Variants in PXK observed in about 807,000 individuals in gnomAD.
The protein encoded by PXK is PX domain containing serine/threonine kinase like, also known as PX domain-containing protein kinase-like protein.
A neutral mutation model predicts 84.7 loss-of-function variants in PXK; 35 were observed. That is an observed-to-expected ratio of 0.41 (90% CI 0.32 to 0.55). PXK has a LOEUF of 0.55. Ranked by LOEUF, PXK falls within the 20% of genes least tolerant of loss-of-function variation. The probability of loss-of-function intolerance (pLI) is 0.21; values close to 1 mark genes in which losing one functional copy is unlikely to be tolerated. For missense variants in PXK, 634 were observed against 699.7 expected (o/e 0.91, Z 1.06); for synonymous variants, 253 against 260.8 (o/e 0.97, Z 0.29).
At chr3:58,356,802 C>T (rs2098089324) in intron 1 of PXK, among the ~76,000 whole-genome samples, 1 of 151,010 alleles carries the variant, frequency 6.6e-6, no homozygotes, top group Admixed American at 6.6e-5. Flanking sequence ...CGGGGTTTCA[C>T]TATGTTGGCC....
In PXK at chr3:58,397,185, A is replaced by G; in HGVS notation, c.969A>G (p.Gln323=). 1 of 1,614,006 alleles carries G rather than the reference A, an allele frequency of 6.2e-7. No individual in the cohort carries two copies. Among genetic ancestry groups the G allele is most frequent in the Non-Finnish European group, 8.5e-7 (1 of 1,179,960 alleles). The part of the protein sequence containing the change: ...LPSFYRSYFS[Q]FRKINTLESV... The stretch of plus-strand genomic sequence containing the variant: ...CCTTCTACCGATCTTATTTTTCACA[A>G]TTCAGGAAAATCAATGTAAGTTGCT... Residue 323 remains glutamine (Q), a synonymous_variant, in exon 10 of 18, where the codon CAA becomes CAG. Coordinates refer to ENST00000356151, the MANE Select transcript of PXK (RefSeq NM_017771.5). The surrounding 1 kb of genome is among the most constrained non-coding windows in gnomAD (Gnocchi z 4.7).
At chr3:58,375,693 G>C (rs985955366) in intron 3 of PXK, among the ~76,000 whole-genome samples, 1 of 152,180 alleles carries the variant, frequency 6.6e-6, no homozygotes, top group Non-Finnish European at 1.5e-5. Flanking sequence ...AGGTGAACCA[G>C]CATGTCTGCA....
chr3:58,336,057 ATATATATATATATATTTTTTTTTT>A (rs1235582881), intron 1 of PXK, among the ~76,000 whole-genome samples: 5 of 54,726 alleles, frequency 9.1e-5, no homozygotes, highest in Admixed American at 3.8e-4. Flanking sequence ...ATATATATAT[ATATATATATATATATTTTTTTTTT>A]TTTTTTTTAA....
intron 13 of PXK, 77 bp downstream of exon 13, chr3:58,403,987 A>C: frequency 9.3e-7 from 1 of 1,076,288 alleles, no homozygotes; most frequent in Non-Finnish European, 1.3e-6. Flanking sequence ...TTTTAGCCAA[A>C]AAAAGAAAAG....
At chr3:58,361,295 CAAAAAAAAAAA>C (rs149879171) in intron 1 of PXK, among the ~76,000 whole-genome samples, 12 of 64,780 alleles carry the variant, frequency 1.9e-4, no homozygotes, top group Admixed American at 3.5e-4. Context: ...GACTCTGTCT[CAAAAAAAAAAA>C]AAAAAAAAAA....
At chr3:58,339,651 C>T (rs2097692869) in intron 1 of PXK, among the ~76,000 whole-genome samples, 2 of 151,984 alleles carry the variant, frequency 1.3e-5, no homozygotes, top group Admixed American at 1.3e-4. Context: ...AATCCGAGTA[C>T]CTGACTATAA....
At chr3:58,366,075 A>C in intron 2 of PXK, 151 bp downstream of exon 2, 1 of 702,006 alleles carries the variant, frequency 1.4e-6, no homozygotes, top group Non-Finnish European at 2.3e-6. Flanking sequence ...TAGCTTTAAG[A>C]CAAGTATGAT....
Position 58,409,562 on chromosome 3 carries a change from C to G in PXK, c.1339C>G (p.Gln447Glu), listed in dbSNP as rs975272434. The change falls in exon 15 of 18, where the codon CAG (glutamine) becomes GAG (glutamate). Residue 447 changes from glutamine to glutamate, a missense_variant. By Grantham distance (29) the Gln-to-Glu change is conservative. This residue lies in a region of PXK where 273 missense variants were observed against 283.6 expected (regional missense o/e 0.96). Transcript: ENST00000356151. The surrounding 1 kb of genome is among the most constrained non-coding windows in gnomAD (Gnocchi z 4.2). ...IHQHRRLTRA[Q>E]SHHGSEEERK... ...CCAGCATCGAAGACTGACAAGAGCT[C>G]AGTCCCACCATGGATCTGAGGAGGA... 46 of 1,613,570 alleles carry G rather than the reference C, an allele frequency of 2.9e-5. No homozygotes were observed. The highest frequency in any genetic ancestry group is 3.6e-5 in the Non-Finnish European group (43 of 1,179,912).
chr3:58,384,865 C>T (rs2098538305), intron 4 of PXK, among the ~76,000 whole-genome samples: 1 of 152,120 alleles, frequency 6.6e-6, no homozygotes, highest in African/African-American at 2.4e-5. Context: ...TACATTGAGT[C>T]CCATGGGGTC....
At chr3:58,342,347 GA>G (rs2097751545) in intron 1 of PXK, among the ~76,000 whole-genome samples, 4 of 149,548 alleles carry the variant, frequency 2.7e-5, no homozygotes, top group Non-Finnish European at 3.0e-5. Flanking sequence ...ATCACTGCCG[GA>G]AAAACTTTTT....
chr3:58,344,892 G>A (rs954930978), intron 1 of PXK, among the ~76,000 whole-genome samples: 1 of 152,206 alleles, frequency 6.6e-6, no homozygotes, highest in Non-Finnish European at 1.5e-5. Flanking sequence ...ATGAGCTCCC[G>A]GAGGCCAGAC....
intron 17 of PXK, chr3:58,420,421 T>C (rs2061649014): frequency 7.6e-7 from 1 of 1,317,736 alleles, no homozygotes; most frequent in Non-Finnish European, 1.1e-6. Context: ...GTGAGAATAA[T>C]CAGCTTGTGA....
At chr3:58,420,896 C>A in intron 17 of PXK, 1 of 1,132,888 alleles carries the variant, frequency 8.8e-7, no homozygotes. Context: ...CTCAAAGTCC[C>A]GTTGCTGCAA....
rs2098542558 is a variant in PXK at position 58,385,364 on chromosome 3, C to T, written c.388+2664C>T. Reference sequence around the variant, plus strand: ...TCTAGCCTCAAGGCTGACATACCAGCCACCTCAGGAAAAGGAAGCATAGGC... The same window carrying T: ...TCTAGCCTCAAGGCTGACATACCAGTCACCTCAGGAAAAGGAAGCATAGGC... On this transcript the variant is annotated intron_variant, in intron 4 of 17. Coordinates refer to ENST00000356151, the MANE Select transcript of PXK (RefSeq NM_017771.5). This position sits in a 1 kb window ranked among gnomAD's most constrained non-coding sequence, Gnocchi z 5.1. Among the ~76,000 whole-genome samples the T allele has an allele frequency of 6.6e-6, 1 of 152,198 alleles. No homozygotes were observed. The highest frequency in any genetic ancestry group is 2.4e-5 in the African/African-American group (1 of 41,450).
intron 3 of PXK, among the ~76,000 whole-genome samples, chr3:58,378,506 T>TGTGTGTGTGTG (rs1217085532): frequency 1.5e-4 from 10 of 66,468 alleles, no homozygotes; most frequent in African/African-American, 5.5e-4. Context: ...TTTTTTTTTT[T>TGTGTGTGTGTG]TTTTTTTGTG....
intron 13 of PXK, among the ~76,000 whole-genome samples, chr3:58,405,020 G>C (rs1490062541): frequency 6.6e-6 from 1 of 152,166 alleles, no homozygotes; most frequent in Non-Finnish European, 1.5e-5. Flanking sequence ...CTCCAACCCT[G>C]ACAGTCTGGC....
At chr3:58,403,743 G>C in intron 12 of PXK, 119 bp from the exon 13 acceptor site, 1 of 470,600 alleles carries the variant, frequency 2.1e-6, no homozygotes, top group Non-Finnish European at 3.7e-6. Context: ...CCAGGGGCTG[G>C]AGGATGTGGT....
intron 17 of PXK, chr3:58,423,316 A>G: frequency 1.4e-6 from 2 of 1,442,938 alleles, no homozygotes; most frequent in South Asian, 2.8e-5. Flanking sequence ...AAACATAACA[A>G]TTTCATTCAT....
In PXK at chr3:58,409,831, T is replaced by G. The variant is rs533934668; in HGVS notation, c.1395+213T>G. Among the ~76,000 whole-genome samples the G allele has an allele frequency of 5.3e-5, 8 of 152,292 alleles. No individual in the cohort carries two copies. In the East Asian group the frequency reaches 1.5e-3, roughly 29 times the overall value. ...GAAATAGCCCATGTAGTTTCCTAGCTTGCTGGGCAGATTATGGCGTAATGT... is the reference window on the plus strand; with the variant it reads ...GAAATAGCCCATGTAGTTTCCTAGCGTGCTGGGCAGATTATGGCGTAATGT... On this transcript the variant is annotated intron_variant, in intron 15 of 17. Transcript: ENST00000356151. This position sits in a 1 kb window ranked among gnomAD's most constrained non-coding sequence, Gnocchi z 4.2.
Sources: gnomAD v4.1 joint callset for allele counts (sites outside exome capture counted in the v4.1 genomes callset) on GRCh38, gnomAD v4.1.1 for gene constraint, gnomAD v4.1.1 regional missense constraint, Gnocchi (gnomAD v3.1) non-coding constraint, MANE v1.5 for transcripts, NCBI Gene and HGNC (gene_info 2026-07-23, HGNC 2026-07-21) for gene names.